MYRFL: variants seen among roughly 807,000 people sequenced by gnomAD.
MYRFL encodes the protein myelin regulatory factor-like protein.
In MYRFL, 88 loss-of-function variants were observed where a neutral mutation model predicts 109.4. The observed-to-expected ratio is 0.80, with a 90% CI of 0.68 to 0.96. MYRFL has a LOEUF of 0.96. Among genes scored for constraint, MYRFL ranks in the 40% least tolerant of loss-of-function variants. The pLI is 0.00. For synonymous variants in MYRFL, 324 were observed against 320.9 expected (o/e 1.01, Z -0.10); for missense variants, 957 against 954.9 (o/e 1.00, Z -0.03).
Position 69,958,543 on chromosome 12 carries a change from T to A in MYRFL, c.*12T>A. On this transcript the variant is annotated 3_prime_UTR_variant, in exon 25 of 25. Transcript: ENST00000552032. Reference sequence around the variant, plus strand: ...GACGCTGTGCCTAATTTGTTCAAGTTTGGGGACTTTACCAAAGAAAAATAC... The same window carrying A: ...GACGCTGTGCCTAATTTGTTCAAGTATGGGGACTTTACCAAAGAAAAATAC... 6.6e-7 allele frequency: 1 copy of A among 1,518,058 alleles called. No homozygotes were observed. The highest frequency in any genetic ancestry group is 8.8e-7 in the Non-Finnish European group (1 of 1,137,838). The allele number at this position is 1,518,058 out of a possible 1,614,324, so 94.0% of individuals were successfully genotyped here.
chr12:69,948,390 A>G (rs918289050), intron 19 of MYRFL, among the ~76,000 whole-genome samples: 1 of 152,184 alleles, frequency 6.6e-6, no homozygotes, highest in African/African-American at 2.4e-5. Flanking sequence ...ATAGGGTTCT[A>G]TGTCTCCAGG....
Position 69,957,957 on chromosome 12 carries a change from C to T in MYRFL, c.2571+15C>T. 5 of 1,525,698 alleles carry T rather than the reference C, an allele frequency of 3.3e-6. No homozygotes were observed. Among genetic ancestry groups the T allele is most frequent in the Non-Finnish European group, 3.5e-6 (4 of 1,138,874 alleles). 94.5% of individuals were successfully genotyped at this position (1,525,698 alleles called of 1,614,324 possible). On this transcript the variant is annotated intron_variant, in intron 23 of 24. Transcript: ENST00000552032. ...AGATGACACAGGTAATGTTTTCTGC[C>T]TCCTCTCTTCCCCGCTGAGAGAGGG... is the stretch of plus-strand genomic sequence containing the variant.
intron 13 of MYRFL, among the ~76,000 whole-genome samples, chr12:69,917,048 G>A (rs970967980): frequency 1.3e-5 from 2 of 152,046 alleles, no homozygotes; most frequent in African/African-American, 4.8e-5. Context: ...AACCTGCCAA[G>A]TATGTTTCTG....
chr12:69,917,201 G>C (rs1034796710), intron 13 of MYRFL, among the ~76,000 whole-genome samples: 10 of 152,056 alleles, frequency 6.6e-5, no homozygotes, highest in African/African-American at 2.4e-4. Context: ...CATTTTAAGA[G>C]TCAGGGCCAC....
intron 20 of MYRFL, 147 bp downstream of exon 20, chr12:69,952,322 G>A (rs1234653708): frequency 8.7e-6 from 6 of 685,938 alleles, no homozygotes; most frequent in Admixed American, 7.1e-5. Flanking sequence ...TGTTATAATC[G>A]ATGCCACCCT....
chr12:69,871,793 C>T (rs1380152714), intron 2 of MYRFL, among the ~76,000 whole-genome samples: 3 of 151,896 alleles, frequency 2.0e-5, no homozygotes. Context: ...GAATCATTGC[C>T]TTGTTTTTAC....
At chr12:69,920,173 C>T (rs890682881) in intron 13 of MYRFL, among the ~76,000 whole-genome samples, 1 of 152,144 alleles carries the variant, frequency 6.6e-6, no homozygotes, top group Non-Finnish European at 1.5e-5. Flanking sequence ...GCAAAGAGGA[C>T]AGGACCTAAC....
chr12:69,835,087 T>C (rs568257114), intron 1 of MYRFL, among the ~76,000 whole-genome samples: 1 of 152,358 alleles, frequency 6.6e-6, no homozygotes, highest in South Asian at 2.1e-4. Flanking sequence ...TTTAAGGAGA[T>C]AACTTTTTTC....
chr12:69,935,991 C>G (rs573073705), intron 16 of MYRFL, 122 bp from the exon 17 acceptor site: 50 of 1,203,170 alleles, frequency 4.2e-5, no homozygotes, highest in African/African-American at 3.7e-4. Context: ...TCCCCTCCCC[C>G]CTGCTCCCAT....
chr12:69,896,024 T>G (rs1448513101), intron 9 of MYRFL, among the ~76,000 whole-genome samples: 2 of 152,196 alleles, frequency 1.3e-5, no homozygotes, highest in East Asian at 1.9e-4. Flanking sequence ...GCAATTTGTA[T>G]TTTAACAAAC....
rs71094746 is a variant in MYRFL, at chr12:69,880,951, G to GTTTTT, written c.556+673_556+677dup. Among the ~76,000 whole-genome samples, 291 of 112,604 alleles carry GTTTTT rather than the reference G, an allele frequency of 2.6e-3. 8 individuals carry two copies. Among genetic ancestry groups the GTTTTT allele is most frequent in the East Asian group, 8.4e-3 (29 of 3,438 alleles). 73.9% of individuals were successfully genotyped at this position (112,604 alleles called of 152,430 possible). On this transcript the variant is annotated intron_variant, in intron 5 of 24. Coordinates refer to ENST00000552032, the MANE Select transcript of MYRFL (RefSeq NM_182530.3). ...TAATGTCCAAGCGGTCAGCCTTCCTGTTTTTTTTTTTTTTTTTTGTCTTAT... is the reference window on the plus strand; with the variant it reads ...TAATGTCCAAGCGGTCAGCCTTCCTGTTTTTTTTTTTTTTTTTTTTTTTGTCTTAT...
Position 69,932,413 on chromosome 12 carries a change from A to G in MYRFL, c.1831-100A>G. ...TGAGGCAAGCACTCAAACTATCCCAAGAGAGCAGCAAATACCCCTGCTGGG... is the reference window on the plus strand; with the variant it reads ...TGAGGCAAGCACTCAAACTATCCCAGGAGAGCAGCAAATACCCCTGCTGGG... On this transcript the variant is annotated intron_variant, in intron 15 of 24. Coordinates refer to ENST00000552032, the MANE Select transcript of MYRFL (RefSeq NM_182530.3). 3 of 747,142 alleles carry G rather than the reference A, an allele frequency of 4.0e-6. No individual in the cohort carries two copies. The South Asian group carries it at 4.9e-5, about 12-fold the overall frequency. 46.3% of individuals were successfully genotyped at this position (747,142 alleles called of 1,614,324 possible).
chr12:69,910,798 C>A, intron 12 of MYRFL, 23 bp from the exon 13 acceptor site: 1 of 1,466,240 alleles, frequency 6.8e-7, no homozygotes, highest in South Asian at 1.2e-5. Flanking sequence ...GAAGATTAAA[C>A]CTGTGGAGTG....
At chr12:69,877,023 C>CTTTCTTTCTT (rs779815894) in intron 2 of MYRFL, among the ~76,000 whole-genome samples, 2 of 128,898 alleles carry the variant, frequency 1.6e-5, no homozygotes, top group Non-Finnish European at 1.6e-5. Context: ...TTCTTTCTTT[C>CTTTCTTTCTT]TTTTTTTTTT....
chr12:69,861,901 A>C (rs1323723642), intron 2 of MYRFL, among the ~76,000 whole-genome samples: 2 of 151,834 alleles, frequency 1.3e-5, no homozygotes, highest in Non-Finnish European at 2.9e-5. Context: ...GTAAGTCTTT[A>C]ATCCATCTTG....
At chr12:69,891,605 C>CTTTCTCTT (rs1555249258) in intron 7 of MYRFL, among the ~76,000 whole-genome samples, 1 of 53,126 alleles carries the variant, frequency 1.9e-5, no homozygotes, top group Non-Finnish European at 4.7e-5. Flanking sequence ...TTCTTTCTTT[C>CTTTCTCTT]TCTTTCTTTC....
In MYRFL at chr12:69,936,528, G is replaced by A; in HGVS notation, c.2120G>A (p.Cys707Tyr). Residue 707 changes from cysteine to tyrosine, a missense_variant, in exon 19 of 25, where the codon TGT becomes TAT. Physicochemically the swap from Cys to Tyr is radical, Grantham distance 194 (BLOSUM62 -2). Transcript: ENST00000552032. The part of the protein sequence containing the change: ...PEITFCEILP[C>Y]QETYCCPIRG... ...ATTACTTTCTGTGAAATCCTGCCGT[G>A]TCAGGAGACTTATTGCTGCCCCATC... 1 of 1,536,144 alleles carries A rather than the reference G, an allele frequency of 6.5e-7. No individual in the cohort carries two copies. Among genetic ancestry groups the A allele is most frequent in the Non-Finnish European group, 8.7e-7 (1 of 1,146,920 alleles).
chr12:69,848,652 T>G (rs1883701509), intron 1 of MYRFL, among the ~76,000 whole-genome samples: 1 of 152,170 alleles, frequency 6.6e-6, no homozygotes, highest in South Asian at 2.1e-4. Flanking sequence ...TTCTTTGATT[T>G]TATAAGTTTA....
intron 21 of MYRFL, 123 bp downstream of exon 21, chr12:69,953,009 TA>T: frequency 3.2e-6 from 2 of 621,328 alleles, no homozygotes; most frequent in Non-Finnish European, 5.4e-6. Context: ...CATTGCTCCT[TA>T]AGTGAAAACA....
Sources: gnomAD v4.1 joint callset for allele counts (sites outside exome capture counted in the v4.1 genomes callset) on GRCh38, gnomAD v4.1.1 for gene constraint, MANE v1.5 for transcripts, NCBI Gene and HGNC (gene_info 2026-07-23, HGNC 2026-07-21) for gene names.